The following ZFHX4 variants were observed in gnomAD, a reference collection of about 807,000 sequenced individuals.
ZFHX4 encodes zinc finger homeobox 4, also known as zinc finger homeobox protein 4.
A neutral mutation model predicts 267.6 loss-of-function variants in ZFHX4; 56 were observed. The observed-to-expected ratio is 0.21, with a 90% CI of 0.17 to 0.26. The LOEUF (loss-of-function observed/expected upper bound fraction) is 0.26, where lower values mean the gene tolerates loss of function less well. ZFHX4 is among the 10% of genes least tolerant of loss of function. ZFHX4 has a pLI of 1.00. For missense variants in ZFHX4, 4,332 were observed against 4,420.0 expected, an observed-to-expected ratio of 0.98 and a Z score of 0.56; for synonymous variants, 1,778 against 1,665.6, an observed-to-expected ratio of 1.07 and a Z score of -1.64.
chr8:76,777,621 C>T (rs1007459581), intron 3 of ZFHX4, among the ~76,000 whole-genome samples: 4 of 152,068 alleles, frequency 2.6e-5, no homozygotes, highest in Non-Finnish European at 2.9e-5. Context: ...ACCTCTATCA[C>T]GGAGGGCTCA....
chr8:76,707,409 T>G (rs578059773), intron 2 of ZFHX4, 137 bp from the exon 3 acceptor site: 77 of 774,704 alleles, frequency 9.9e-5, no homozygotes, highest in Non-Finnish European at 1.4e-4. Flanking sequence ...TTGATCCTGA[T>G]TGAATCCTAT....
At chr8:76,782,476 T>A (rs1489365768) in intron 4 of ZFHX4, among the ~76,000 whole-genome samples, 2 of 152,024 alleles carry the variant, frequency 1.3e-5, no homozygotes, top group Non-Finnish European at 2.9e-5. Flanking sequence ...GTGAATACTT[T>A]GAGCCTTAAA....
At chr8:76,804,901 C>T (rs1196189953) in intron 4 of ZFHX4, among the ~76,000 whole-genome samples, 3 of 152,066 alleles carry the variant, frequency 2.0e-5, no homozygotes, top group Non-Finnish European at 4.4e-5. Flanking sequence ...TAGCATTAAA[C>T]TAGCCCCCGT....
At position 76,854,365 on chromosome 8, in the gene ZFHX4, C is replaced by T; in HGVS notation, c.7444C>T (p.Leu2482Phe). The T allele has an allele frequency of 6.2e-7, 1 of 1,613,938 alleles. No homozygotes were observed. Among genetic ancestry groups the T allele is most frequent in the Non-Finnish European group, 8.5e-7 (1 of 1,179,870 alleles). The change falls in exon 10 of 11, where the codon CTC becomes TTC. Residue 2482 changes from leucine (L) to phenylalanine (F), a missense_variant. By Grantham distance (22) the Leu-to-Phe change is conservative. Coordinates refer to ENST00000651372, the MANE Select transcript of ZFHX4 (RefSeq NM_024721.5). ...SSPLQISMTS[L>F]QNSLPPQLLQ... The stretch of plus-strand genomic sequence containing the variant: ...TCCACTGCAAATTTCCATGACGTCT[C>T]TCCAGAACAGTCTACCTCCACAGTT...
At chr8:76,817,468 T>C (rs1811536706) in intron 4 of ZFHX4, among the ~76,000 whole-genome samples, 1 of 152,190 alleles carries the variant, frequency 6.6e-6, no homozygotes, top group Non-Finnish European at 1.5e-5. Flanking sequence ...ACCATGGTTC[T>C]CAAGGGAAGC....
rs764774396 is a variant in ZFHX4 at position 76,707,716 on chromosome 8, A to C, written c.2761A>C (p.Ser921Arg). The C allele has an allele frequency of 3.7e-6, 6 of 1,613,768 alleles. No homozygotes were observed. The highest frequency in any genetic ancestry group is 5.1e-6 in the Non-Finnish European group (6 of 1,179,880). ...CACCTCTGACAGCCTGGAGGCCCTA[A>C]GTGTGCATGTGAGCAGTGAGCGCTC... Reference protein sequence around the residue: ...KFTSDSLEALSVHVSSERSLP... With the variant: ...KFTSDSLEALRVHVSSERSLP... The change falls in exon 3 of 11, where the codon AGT (serine) becomes CGT (arginine). Residue 921 changes from serine (S) to arginine (R), a missense_variant. By Grantham distance (110) the Ser-to-Arg change is moderately radical (BLOSUM62 -1). Coordinates refer to ENST00000651372, the MANE Select transcript of ZFHX4 (RefSeq NM_024721.5).
At position 76,852,185 on chromosome 8, in the gene ZFHX4, G is replaced by T. The variant is rs1244218726; in HGVS notation, c.5264G>T (p.Gly1755Val). The T allele has an allele frequency of 2.5e-6, 4 of 1,613,874 alleles. No homozygotes were observed. Among genetic ancestry groups the T allele is most frequent in the Non-Finnish European group, 3.4e-6 (4 of 1,179,852 alleles). ...GTEFSLGPDLGLPGSATFGMP... is the reference protein window; with the variant it reads ...GTEFSLGPDLVLPGSATFGMP... ...GAGTTCAGCTTGGGGCCAGATTTGG[G>T]CTTGCCAGGCTCTGCCACATTTGGG... The change falls in exon 10 of 11, where the codon GGC becomes GTC. Residue 1755 changes from glycine to valine, a missense_variant. Physicochemically the swap from Gly to Val is moderately radical, Grantham distance 109. This residue lies in a region of ZFHX4 where 1,371 missense variants were observed against 1,423.1 expected (regional missense o/e 0.96). Transcript: ENST00000651372.
chr8:76,818,508 G>A (rs1387332120), intron 4 of ZFHX4, among the ~76,000 whole-genome samples: 1 of 152,212 alleles, frequency 6.6e-6, no homozygotes, highest in African/African-American at 2.4e-5. Context: ...CGTTGTTGAA[G>A]AGCTGTTTTA....
chr8:76,786,274 C>T (rs1176910722), intron 4 of ZFHX4, among the ~76,000 whole-genome samples: 1 of 151,600 alleles, frequency 6.6e-6, no homozygotes, highest in Non-Finnish European at 1.5e-5. Context: ...AAATCAATGA[C>T]AAAAATTGCT....
At chr8:76,715,347 T>TGGTGC (rs1174711889) in intron 3 of ZFHX4, among the ~76,000 whole-genome samples, 5 of 151,460 alleles carry the variant, frequency 3.3e-5, no homozygotes, top group African/African-American at 1.2e-4. Context: ...CCAGCAATGG[T>TGGTGC]GGTGCGCACC....
At chr8:76,862,497 C>T (rs1052553376) in intron 10 of ZFHX4, among the ~76,000 whole-genome samples, 7 of 152,138 alleles carry the variant, frequency 4.6e-5, no homozygotes, top group Admixed American at 1.3e-4. Context: ...GCTCTGACTT[C>T]GCTGCTGTTT....
At chr8:76,806,459 G>A (rs1563533052) in intron 4 of ZFHX4, among the ~76,000 whole-genome samples, 1 of 152,024 alleles carries the variant, frequency 6.6e-6, no homozygotes, top group African/African-American at 2.4e-5. Context: ...TAATGACACA[G>A]AAAAAATATT....
At chr8:76,845,013 C>T (rs1812330328) in intron 6 of ZFHX4, among the ~76,000 whole-genome samples, 1 of 152,058 alleles carries the variant, frequency 6.6e-6, no homozygotes, top group African/African-American at 2.4e-5. Context: ...AAAATACTAG[C>T]AAGCTTACAA....
intron 4 of ZFHX4, among the ~76,000 whole-genome samples, chr8:76,821,527 AT>A (rs75521134): frequency 0.062 from 8,710 of 140,978 alleles, 375 homozygotes; most frequent in African/African-American, 0.13. Context: ...TCTTTCTGAG[AT>A]TTTTTTTTTT....
chr8:76,820,765 G>T lies in ZFHX4; in HGVS notation c.3326-12573G>T, dbSNP rs570610850. Among the ~76,000 whole-genome samples, 348 of 152,192 alleles carry T rather than the reference G, an allele frequency of 2.3e-3. 1 individual carries two copies. Among genetic ancestry groups the T allele is most frequent in the Non-Finnish European group, 4.0e-3 (271 of 67,986 alleles). ...TTCATCTTTGTTGATAAGTTTTATT[G>T]CTTATAGCCTCCATGATACCTACAA... On this transcript the variant is annotated intron_variant, in intron 4 of 10. Coordinates refer to ENST00000651372, the MANE Select transcript of ZFHX4 (RefSeq NM_024721.5).
At chr8:76,777,993 C>G (rs549454538) in intron 3 of ZFHX4, among the ~76,000 whole-genome samples, 45 of 151,436 alleles carry the variant, frequency 3.0e-4, no homozygotes, top group Non-Finnish European at 4.0e-4. Flanking sequence ...ATAAAGCTGG[C>G]GTGCTGCTTT....
chr8:76,686,175 G>A (rs78708238), intron 1 of ZFHX4, among the ~76,000 whole-genome samples: 7,298 of 152,254 alleles, frequency 0.048, 557 homozygotes, highest in African/African-American at 0.16. Context: ...TTTCCATTCA[G>A]TGTGAAATGT....
chr8:76,717,055 C>G (rs978964530), intron 3 of ZFHX4, among the ~76,000 whole-genome samples: 2 of 152,148 alleles, frequency 1.3e-5, no homozygotes, highest in African/African-American at 4.8e-5. Context: ...TACACAAGAA[C>G]AACTGAAGCA....
Position 76,705,278 on chromosome 8 carries a change from G to T in ZFHX4, c.1190G>T (p.Gly397Val). The T allele has an allele frequency of 6.2e-7, 1 of 1,613,986 alleles. No individual in the cohort carries two copies. The highest frequency in any genetic ancestry group is 1.1e-5 in the South Asian group (1 of 91,080). ...STSSSAEQPL[G>V]ITQMPKAEVN... The stretch of plus-strand genomic sequence containing the variant: ...TCGAGCTCAGCAGAGCAGCCGCTGG[G>T]GATTACCCAAATGCCAAAGGCTGAA... The change falls in exon 2 of 11, where the codon GGG becomes GTG. Residue 397 changes from glycine (G) to valine (V), a missense_variant. This residue lies in a region of ZFHX4 where 1,195 missense variants were observed against 1,173.6 expected (regional missense o/e 1.02). Transcript: ENST00000651372.
Sources: gnomAD v4.1 joint callset for allele counts (sites outside exome capture counted in the v4.1 genomes callset) on GRCh38, gnomAD v4.1.1 for gene constraint, gnomAD v4.1.1 regional missense constraint, MANE v1.5 for transcripts, NCBI Gene and HGNC (gene_info 2026-07-23, HGNC 2026-07-21) for gene names.